BBS7: variants seen among roughly 807,000 people sequenced by gnomAD.
BBS7 encodes the protein Bardet-Biedl syndrome 7, also known as BBSome complex member BBS7.
In BBS7, 50 loss-of-function variants were observed where a neutral mutation model predicts 90.3. The observed-to-expected ratio is 0.55, with a 90% CI of 0.44 to 0.70. The LOEUF is 0.70. Ranked by LOEUF, BBS7 falls within the 30% of genes least tolerant of loss-of-function variation. The pLI, the probability that BBS7 is intolerant of heterozygous loss-of-function variation, is 0.00. For missense variants in BBS7, 729 were observed against 838.9 expected, an observed-to-expected ratio of 0.87 and a Z score of 1.62; for synonymous variants, 235 against 287.4, an observed-to-expected ratio of 0.82 and a Z score of 1.85.
At chr4:121,841,259 T>C (rs1725724658) in intron 12 of BBS7, among the ~76,000 whole-genome samples, 2 of 151,760 alleles carry the variant, frequency 1.3e-5, no homozygotes, top group Non-Finnish European at 2.9e-5. Context: ...GTGAAGAGCA[T>C]GAAAAAATGA....
intron 1 of BBS7, 88 bp downstream of exon 1, chr4:121,870,190 G>A: frequency 6.4e-7 from 1 of 1,567,968 alleles, no homozygotes; most frequent in African/African-American, 1.3e-5. Context: ...AGCTCCTGGC[G>A]ACCGAGACTT....
chr4:121,843,579 T>C (rs796795369), intron 12 of BBS7, among the ~76,000 whole-genome samples: 12 of 152,326 alleles, frequency 7.9e-5, no homozygotes, highest in African/African-American at 2.6e-4. Flanking sequence ...GAAACGCTCA[T>C]TGGAGCATTT....
rs1726238311 is a variant in BBS7 at position 121,850,121 on chromosome 4, T to G, written c.850-1193A>C. Among the ~76,000 whole-genome samples the G allele has an allele frequency of 1.3e-5, 2 of 152,038 alleles. 1 individual carries two copies. The highest frequency in any genetic ancestry group is 4.1e-4 in the South Asian group (2 of 4,828). On this transcript the variant is annotated intron_variant, in intron 8 of 18. Transcript: ENST00000264499. ...ACTAGGAATCTGTATTTTTTTTTAT[T>G]TATTTATTTCTTTTAAAATAATTGT...
intron 14 of BBS7, among the ~76,000 whole-genome samples, chr4:121,834,101 A>AAT (rs1725329928): frequency 6.6e-5 from 10 of 152,224 alleles, no homozygotes; most frequent in Admixed American, 3.3e-4. Context: ...CATTAAAAAA[A>AAT]CTGTAAAATA....
intron 15 of BBS7, among the ~76,000 whole-genome samples, chr4:121,830,131 G>T (rs1725109577): frequency 6.6e-6 from 1 of 152,206 alleles, no homozygotes; most frequent in South Asian, 2.1e-4. Context: ...GTCCGTTGTG[G>T]TGGCTCACGC....
At position 121,854,642 on chromosome 4, in the gene BBS7, T is replaced by C. The variant is rs1006697744; in HGVS notation, c.718+62A>G. 7 of 1,486,152 alleles carry C rather than the reference T, an allele frequency of 4.7e-6. No homozygotes were observed. The African/African-American group carries it at 8.4e-5, about 18-fold the overall frequency. 92.1% of individuals were successfully genotyped at this position (1,486,152 alleles called of 1,614,324 possible). A position where few individuals can be genotyped will look rare whatever the true frequency, so the allele number is the denominator to read the frequency against. ...TAAATAGATAAAATAGAATAAATTA[T>C]ATAATTTAAGATACTTAATAATCAT... On this transcript the variant is annotated intron_variant, in intron 7 of 18. Transcript: ENST00000264499.
chr4:121,849,492 C>T (rs1014469651), intron 8 of BBS7, among the ~76,000 whole-genome samples: 3 of 152,152 alleles, frequency 2.0e-5, no homozygotes, highest in Non-Finnish European at 2.9e-5. Context: ...TGAACCACAG[C>T]GCCCCGCCAG....
intron 2 of BBS7, among the ~76,000 whole-genome samples, chr4:121,865,592 C>CT (rs1238303137): frequency 3.3e-5 from 5 of 151,976 alleles, no homozygotes; most frequent in Admixed American, 2.6e-4. Flanking sequence ...ATATATACCA[C>CT]TTTTTTTTAT....
intron 6 of BBS7, among the ~76,000 whole-genome samples, chr4:121,855,081 G>C (rs894234684): frequency 1.3e-5 from 2 of 152,120 alleles, no homozygotes; most frequent in Non-Finnish European, 2.9e-5. Context: ...GGGAGACTGA[G>C]GTGAGAGGAT....
rs199686577 is a variant in BBS7, at chr4:121,847,445, T to C, written c.996A>G (p.Leu332=). 3.7e-6 allele frequency: 6 copies of C among 1,613,802 alleles called. No individual in the cohort carries two copies. The highest frequency in any genetic ancestry group is 5.1e-6 in the Non-Finnish European group (6 of 1,179,838). ...TATTCTGCATCTCCTGATTAATTTT[T>C]AGTTCTTCTCCTGGTCCACTTTCCT... is the stretch of plus-strand genomic sequence containing the variant. The part of the protein sequence containing the change: ...IHKESGPGEE[L]KINQEMQNKI... The change falls in exon 10 of 19, where the codon CTA becomes CTG. Residue 332 remains leucine, a synonymous_variant. Coordinates refer to ENST00000264499, the MANE Select transcript of BBS7 (RefSeq NM_176824.3).
chr4:121,858,320 A>C (rs1726792176), intron 5 of BBS7, among the ~76,000 whole-genome samples: 2 of 152,262 alleles, frequency 1.3e-5, no homozygotes, highest in African/African-American at 4.8e-5. Context: ...CAGTTCATCT[A>C]ACTGTTACAT....
rs767905893 is a variant in BBS7, at chr4:121,853,059, A to G, written c.746T>C (p.Ile249Thr). The G allele has an allele frequency of 6.2e-7, 1 of 1,613,650 alleles. No homozygotes were observed. Reference sequence around the variant, plus strand: ...TAAATCTTTAACCCCATCACCCACAATGTCAAAGCTGTCAATACACAAAAT... The same window carrying G: ...TAAATCTTTAACCCCATCACCCACAGTGTCAAAGCTGTCAATACACAAAAT... ...GGILCIDSFD[I>T]VGDGVKDLLV... The change falls in exon 8 of 19, where the codon ATT becomes ACT. Residue 249 changes from isoleucine to threonine, a missense_variant. Coordinates refer to ENST00000264499, the MANE Select transcript of BBS7 (RefSeq NM_176824.3).
chr4:121,861,786 T>G, intron 3 of BBS7, 107 bp from the exon 4 acceptor site: 5 of 1,036,240 alleles, frequency 4.8e-6, no homozygotes, highest in Non-Finnish European at 7.3e-6. Flanking sequence ...ATATTATAGT[T>G]CCACTATATA....
intron 12 of BBS7, among the ~76,000 whole-genome samples, chr4:121,843,717 C>A (rs1250959529): frequency 2.0e-5 from 3 of 152,102 alleles, no homozygotes; most frequent in Non-Finnish European, 2.9e-5. Context: ...GGATATCAAC[C>A]TGTAACAGAT....
chr4:121,839,325 G>T (rs2149061532), intron 13 of BBS7, among the ~76,000 whole-genome samples: 1 of 152,188 alleles, frequency 6.6e-6, no homozygotes, highest in African/African-American at 2.4e-5. Flanking sequence ...CCAGCACTTT[G>T]GGAGGCTGAG....
chr4:121,861,783 A>G (rs2149087877), intron 3 of BBS7, 104 bp from the exon 4 acceptor site: 2 of 1,074,562 alleles, frequency 1.9e-6, no homozygotes, highest in South Asian at 1.4e-5. Context: ...AAAATATTAT[A>G]GTTCCACTAT....
Position 121,828,393 on chromosome 4 carries a change from T to C in BBS7, c.1890+9A>G, listed in dbSNP as rs1269851233. On this transcript the variant is annotated intron_variant, in intron 17 of 18. Coordinates refer to ENST00000264499, the MANE Select transcript of BBS7 (RefSeq NM_176824.3). ...ATAATCACCAGTCCACGACGACACATGTACTTACTTTTAAAGCATCAATTA... is the reference window on the plus strand; with the variant it reads ...ATAATCACCAGTCCACGACGACACACGTACTTACTTTTAAAGCATCAATTA... 1.2e-6 allele frequency: 2 copies of C among 1,609,752 alleles called. No homozygotes were observed. Among genetic ancestry groups the C allele is most frequent in the Middle Eastern group, 1.7e-4 (1 of 6,050 alleles).
intron 12 of BBS7, among the ~76,000 whole-genome samples, chr4:121,840,968 G>C (rs1266780176): frequency 1.3e-5 from 2 of 151,370 alleles, no homozygotes; most frequent in African/African-American, 4.9e-5. Flanking sequence ...CTCCCAAATA[G>C]CTGGGACTAC....
At chr4:121,848,106 AT>A (rs1171733576) in intron 9 of BBS7, among the ~76,000 whole-genome samples, 33 of 152,168 alleles carry the variant, frequency 2.2e-4, no homozygotes, top group Admixed American at 1.6e-3. Context: ...AATATCAACT[AT>A]TTTATAAATC....
Sources: allele counts gnomAD v4.1 joint callset (sites outside exome capture counted in the v4.1 genomes callset), GRCh38; gene constraint gnomAD v4.1.1; transcripts MANE v1.5; gene names NCBI Gene and HGNC (gene_info 2026-07-23, HGNC 2026-07-21).